Variants in ASB15 observed in about 807,000 individuals in gnomAD.
The protein encoded by ASB15 is ankyrin repeat and SOCS box protein 15.
Under a neutral mutation model 58.0 loss-of-function variants are expected in ASB15, and 54 were observed. That is an observed-to-expected ratio of 0.93 (90% CI 0.75 to 1.17). The LOEUF is 1.17. ASB15 is among the 50% of genes most tolerant of loss of function. ASB15 has a pLI of 0.00. For synonymous variants in ASB15, 249 were observed against 262.4 expected, an observed-to-expected ratio of 0.95 and a Z score of 0.50; for missense variants, 680 against 707.4, an observed-to-expected ratio of 0.96 and a Z score of 0.44.
chr7:123,587,450 C>CT (rs1799406610), intron 1 of ASB15, among the ~76,000 whole-genome samples: 1 of 151,046 alleles, frequency 6.6e-6, no homozygotes, highest in Non-Finnish European at 1.5e-5. Flanking sequence ...TTGGTGAAGT[C>CT]TTTGAGGTTT....
At chr7:123,602,515 C>A (rs777637079) in intron 1 of ASB15, among the ~76,000 whole-genome samples, 3 of 152,002 alleles carry the variant, frequency 2.0e-5, no homozygotes, top group African/African-American at 4.8e-5. Flanking sequence ...TTCTAAGGAG[C>A]TTTCTATATC....
At chr7:123,599,502 C>G (rs146041930), upstream of ASB15, among the ~76,000 whole-genome samples, 944 of 152,284 alleles carry the variant, frequency 6.2e-3, 8 homozygotes, top group African/African-American at 0.022. Flanking sequence ...GTGCCACACT[C>G]TTTTTCAGGA....
rs1001035190 is a variant in ASB15 at position 123,568,901 on chromosome 7, A to G, written c.-443+1813A>G. Among the ~76,000 whole-genome samples the G allele has an allele frequency of 2.0e-5, 3 of 152,238 alleles. No homozygotes were observed. In the South Asian group the frequency reaches 6.2e-4, roughly 32 times the overall value. ...AAAATACATAATAAATGTTGATACT[A>G]TATTTCTAACTAATCTCGTCCAACA... On this transcript the variant is annotated intron_variant, in intron 1 of 13. Coordinates refer to the ASB15 transcript ENST00000451558.
Position 123,568,774 on chromosome 7 carries a change from C to T in ASB15, c.-443+1686C>T, listed in dbSNP as rs575416305. Among the ~76,000 whole-genome samples, 8 of 151,560 alleles carry T rather than the reference C, an allele frequency of 5.3e-5. No individual in the cohort carries two copies. In the South Asian group the frequency reaches 1.0e-3, roughly 20 times the overall value. On this transcript the variant is annotated intron_variant, in intron 1 of 13. Transcript: ENST00000451558. ...TAAATGGTGATGAGAATATACAAAT[C>T]AACAAAATGGTAACAAAACAGTAAT...
At chr7:123,594,327 A>C (rs1413492360) in intron 1 of ASB15, among the ~76,000 whole-genome samples, 1 of 152,052 alleles carries the variant, frequency 6.6e-6, no homozygotes, top group African/African-American at 2.4e-5. Context: ...CCTTGCTGGC[A>C]AGGAGTTGTG....
intron 1 of ASB15, among the ~76,000 whole-genome samples, chr7:123,575,369 C>T (rs1320585063): frequency 6.6e-6 from 1 of 151,914 alleles, no homozygotes; most frequent in Non-Finnish European, 1.5e-5. Flanking sequence ...TATGTTCATA[C>T]CTCTATTATT....
intron 1 of ASB15, among the ~76,000 whole-genome samples, chr7:123,591,967 C>T (rs1031528036): frequency 2.6e-5 from 4 of 152,130 alleles, no homozygotes; most frequent in African/African-American, 9.7e-5. Context: ...ATTAATGCCT[C>T]AATTTCAGGA....
intron 1 of ASB15, among the ~76,000 whole-genome samples, chr7:123,603,314 T>C (rs1307285804): frequency 1.3e-5 from 2 of 152,180 alleles, no homozygotes; most frequent in Non-Finnish European, 2.9e-5. Flanking sequence ...TGAACATCCT[T>C]AGGAAAAAAA....
At chr7:123,624,839 CT>C in intron 8 of ASB15, 25 bp downstream of exon 8, 1 of 1,603,768 alleles carries the variant, frequency 6.2e-7, no homozygotes, top group Non-Finnish European at 8.5e-7. Flanking sequence ...GTTACACTTC[CT>C]GACTTTTGTC....
intron 11 of ASB15, among the ~76,000 whole-genome samples, chr7:123,632,034 C>A (rs2116668939): frequency 6.6e-6 from 1 of 152,060 alleles, no homozygotes; most frequent in Admixed American, 6.5e-5. Flanking sequence ...GCCGAGATCG[C>A]CCCACTGCAC....
At chr7:123,602,969 A>G (rs947208705) in intron 1 of ASB15, among the ~76,000 whole-genome samples, 1 of 152,130 alleles carries the variant, frequency 6.6e-6, no homozygotes, top group Non-Finnish European at 1.5e-5. Flanking sequence ...TCTCATCTGT[A>G]AAGTGGGGGA....
At chr7:123,616,105 C>G in intron 4 of ASB15, 116 bp from the exon 5 acceptor site, 1 of 876,784 alleles carries the variant, frequency 1.1e-6, no homozygotes, top group East Asian at 2.7e-5. Flanking sequence ...TATGCATCTC[C>G]TTTGGATCTT....
intron 3 of ASB15, chr7:123,612,143 C>T (rs1228570407): frequency 6.6e-6 from 1 of 152,066 alleles, no homozygotes; most frequent in Admixed American, 6.6e-5. Flanking sequence ...CCATACAATC[C>T]CCCCTATCAC....
rs1293127235 is a variant in ASB15 at position 123,629,042 on chromosome 7, A to G, written c.1048A>G (p.Arg350Gly). 6.2e-7 allele frequency: 1 copy of G among 1,613,840 alleles called. No individual in the cohort carries two copies. The change falls in exon 10 of 12, where the codon AGG (arginine) becomes GGG (glycine). Residue 350 changes from arginine to glycine, a missense_variant. Arg to Gly is a moderately radical substitution (Grantham distance 125, BLOSUM62 -2). Coordinates refer to ENST00000451215, the MANE Select transcript of ASB15 (RefSeq NM_001290258.2). ...DHISQSYDDE[R>G]KTALYFGVSN... ...CATTTCCCAGAGCTATGACGATGAG[A>G]GGAAGACTGCGCTGTATTTTGGCGT... is the stretch of plus-strand genomic sequence containing the variant.
chr7:123,602,500 TTAACTTCTAAG>T (rs1226960294), intron 1 of ASB15, among the ~76,000 whole-genome samples: 8 of 152,276 alleles, frequency 5.3e-5, no homozygotes, highest in African/African-American at 1.9e-4. Context: ...AAATGCACAG[TTAACTTCTAAG>T]GAGCTTTCTA....
Position 123,630,083 on chromosome 7 carries a change from G to A in ASB15, c.1558G>A (p.Val520Ile). Residue 520 changes from valine to isoleucine, a missense_variant, in exon 11 of 12, where the codon GTA (valine) becomes ATA (isoleucine). Coordinates refer to ENST00000451215, the MANE Select transcript of ASB15 (RefSeq NM_001290258.2). ...TGCTAAACTGAAGTCTGCACTAGAA[G>A]TACAGAGAGAATGGCCAGAAATCCG... is the stretch of plus-strand genomic sequence containing the variant. ...LCAKLKSALE[V>I]QREWPEIRQI... The A allele has an allele frequency of 6.2e-7, 1 of 1,601,912 alleles. No individual in the cohort carries two copies. Among genetic ancestry groups the A allele is most frequent in the Non-Finnish European group, 8.5e-7 (1 of 1,172,446 alleles).
At chr7:123,596,878 A>G (rs1420717672), upstream of ASB15, among the ~76,000 whole-genome samples, 1 of 152,192 alleles carries the variant, frequency 6.6e-6, no homozygotes, top group African/African-American at 2.4e-5. Flanking sequence ...ATAATTCAAA[A>G]TTTACTTTGG....
At position 123,584,122 on chromosome 7, in the gene ASB15, T is replaced by A. The variant is rs183680199; in HGVS notation, c.-443+17034T>A. On this transcript the variant is annotated intron_variant, in intron 1 of 13. Transcript: ENST00000451558. ...TAATTTATTTCTTCAGCTCAGACTT[T>A]TCTTCTAAACTTGGACCATATTAAC... 4.6e-5 allele frequency among the ~76,000 whole-genome samples: 7 copies of A among 151,896 alleles called. No individual in the cohort carries two copies. In the East Asian group the frequency reaches 1.4e-3, roughly 29 times the overall value.
intron 1 of ASB15, among the ~76,000 whole-genome samples, chr7:123,590,643 T>G (rs1158872162): frequency 1.3e-5 from 2 of 152,148 alleles, no homozygotes; most frequent in Non-Finnish European, 2.9e-5. Flanking sequence ...ATGTGTGGTG[T>G]TATTTCTGAG....
Sources: allele counts gnomAD v4.1 joint callset (sites outside exome capture counted in the v4.1 genomes callset), GRCh38; gene constraint gnomAD v4.1.1; transcripts MANE v1.5; gene names NCBI Gene and HGNC (gene_info 2026-07-23, HGNC 2026-07-21).